WDR25: variants seen among roughly 807,000 people sequenced by gnomAD.
WDR25 encodes the protein WD repeat domain 25.
Under a neutral mutation model 47.7 loss-of-function variants are expected in WDR25, and 35 were observed. The ratio of observed to expected loss-of-function variants is 0.73; its 90% CI spans 0.56 to 0.97. The LOEUF is 0.97. Ranked by LOEUF, WDR25 falls within the 50% of genes least tolerant of loss-of-function variation. The pLI, the probability that WDR25 is intolerant of heterozygous loss-of-function variation, is 0.00. For synonymous variants in WDR25, 248 were observed against 278.9 expected (o/e 0.89, Z 1.10); for missense variants, 634 against 704.7 (o/e 0.90, Z 1.14).
At chr14:100,459,898 A>ATATATGTG (rs1566920215) in intron 2 of WDR25, among the ~76,000 whole-genome samples, 5 of 30,250 alleles carry the variant, frequency 1.7e-4, no homozygotes, top group African/African-American at 5.7e-4. Context: ...GTGTGTGTAT[A>ATATATGTG]TATATATATA....
intron 2 of WDR25, among the ~76,000 whole-genome samples, chr14:100,420,712 T>TGTG (rs1205083172): frequency 6.6e-6 from 1 of 152,246 alleles, no homozygotes; most frequent in African/African-American, 2.4e-5. Context: ...TGTCCCATGA[T>TGTG]GTGGTGTTCA....
intron 2 of WDR25, among the ~76,000 whole-genome samples, chr14:100,434,951 T>TC (rs1377416190): frequency 6.6e-6 from 1 of 152,186 alleles, no homozygotes; most frequent in Non-Finnish European, 1.5e-5. Context: ...TCCTGAGGGG[T>TC]CCCTGATCCT....
intron 2 of WDR25, among the ~76,000 whole-genome samples, chr14:100,466,460 T>G (rs1899632057): frequency 6.6e-6 from 1 of 152,200 alleles, no homozygotes; most frequent in Non-Finnish European, 1.5e-5. Context: ...TTTGTTTGGG[T>G]TTTTCTCTTA....
intron 3 of WDR25, among the ~76,000 whole-genome samples, chr14:100,476,268 G>A (rs946504314): frequency 1.2e-4 from 18 of 152,302 alleles, no homozygotes; most frequent in African/African-American, 3.6e-4. Context: ...GCCTTTGCCC[G>A]GATTGCTAAG....
At chr14:100,435,038 G>A (rs143479864) in intron 2 of WDR25, among the ~76,000 whole-genome samples, 3 of 152,280 alleles carry the variant, frequency 2.0e-5, no homozygotes, top group Non-Finnish European at 4.4e-5. Flanking sequence ...TGCAGTGTGC[G>A]TCTAGGTGCT....
intron 4 of WDR25, chr14:100,504,716 A>G (rs1290604000): frequency 6.6e-6 from 1 of 152,194 alleles, no homozygotes; most frequent in African/African-American, 2.4e-5. Context: ...GTGAATATAC[A>G]TTTTCCTTTC....
At chr14:100,402,712 C>G (rs1368818174) in intron 2 of WDR25, among the ~76,000 whole-genome samples, 3 of 152,194 alleles carry the variant, frequency 2.0e-5, no homozygotes, top group African/African-American at 7.2e-5. Context: ...GAGAGAATTA[C>G]AGGTGTCCCC....
chr14:100,508,294 A>G (rs1318888888), intron 4 of WDR25, among the ~76,000 whole-genome samples: 1 of 152,226 alleles, frequency 6.6e-6, no homozygotes, highest in Non-Finnish European at 1.5e-5. Context: ...AGAGCTGTCT[A>G]TGACAAACCC....
At position 100,523,051 on chromosome 14, in the gene WDR25, G is replaced by T. The variant is rs1390491546; in HGVS notation, c.1102-2819G>T. 1.3e-5 allele frequency among the ~76,000 whole-genome samples: 2 copies of T among 152,252 alleles called. No individual in the cohort carries two copies. The highest frequency in any genetic ancestry group is 3.8e-4 in the East Asian group (2 of 5,200). On this transcript the variant is annotated intron_variant, in intron 4 of 6. Transcript: ENST00000402312. The surrounding 1 kb of genome is among the most constrained non-coding windows in gnomAD (Gnocchi z 4.7). ...CCCGGGGGTCCTGGGAGAGCCAGTG[G>T]CAAAGGCTTTTGTGTGTTGCCTCAG...
At position 100,529,243 on chromosome 14, in the gene WDR25, GC is replaced by G; in HGVS notation, c.1413+39del. ...TCCTTGTCCCCCAGGCGAATGCTGA[GC>G]CCCAGCCCCAAGCCTCCTGGCAGTC... On this transcript the variant is annotated intron_variant, in intron 6 of 6. Coordinates refer to ENST00000402312, the MANE Select transcript of WDR25 (RefSeq NM_001161476.3). The surrounding 1 kb of genome is among the most constrained non-coding windows in gnomAD (Gnocchi z 5.1). The G allele has an allele frequency of 6.2e-7, 1 of 1,611,318 alleles. No individual in the cohort carries two copies. The highest frequency in any genetic ancestry group is 8.5e-7 in the Non-Finnish European group (1 of 1,179,424).
chr14:100,434,688 AC>A (rs1417447164), intron 2 of WDR25, among the ~76,000 whole-genome samples: 1 of 152,076 alleles, frequency 6.6e-6, no homozygotes, highest in Non-Finnish European at 1.5e-5. Flanking sequence ...GCAGGTCTGT[AC>A]AAAAAGTTCT....
At chr14:100,422,759 G>A (rs1168204973) in intron 2 of WDR25, among the ~76,000 whole-genome samples, 3 of 152,198 alleles carry the variant, frequency 2.0e-5, no homozygotes, top group Admixed American at 6.5e-5. Flanking sequence ...TGCCCCTCTG[G>A]TGGGTGTGAA....
chr14:100,399,327 A>G (rs1897324553), intron 2 of WDR25, among the ~76,000 whole-genome samples: 1 of 152,106 alleles, frequency 6.6e-6, no homozygotes, highest in Non-Finnish European at 1.5e-5. Flanking sequence ...TCTGTAGGTG[A>G]TTTTTCCGAC....
rs370067629 is a variant in WDR25, at chr14:100,384,338, T to G, written c.822+2592T>G. 1.0e-3 allele frequency among the ~76,000 whole-genome samples: 154 copies of G among 152,378 alleles called. 1 individual carries two copies. The highest frequency in any genetic ancestry group is 3.6e-3 in the African/African-American group (148 of 41,590). Reference sequence around the variant, plus strand: ...ATGGGGTTATTTGGCAAATTGGTTTTGGGCAAATTGACTTTGAACAACTTT... The same window carrying G: ...ATGGGGTTATTTGGCAAATTGGTTTGGGGCAAATTGACTTTGAACAACTTT... On this transcript the variant is annotated intron_variant, in intron 2 of 6. Coordinates refer to ENST00000402312, the MANE Select transcript of WDR25 (RefSeq NM_001161476.3).
rs2030070966 is a variant in WDR25, at chr14:100,525,377, G to T, written c.1102-493G>T. Among the ~76,000 whole-genome samples the T allele has an allele frequency of 6.6e-6, 1 of 152,216 alleles. No homozygotes were observed. Among genetic ancestry groups the T allele is most frequent in the Non-Finnish European group, 1.5e-5 (1 of 68,044 alleles). On this transcript the variant is annotated intron_variant, in intron 4 of 6. Transcript: ENST00000402312. This position sits in a 1 kb window ranked among gnomAD's most constrained non-coding sequence, Gnocchi z 4.6. ...CAAAGTGTCGTTAAAGCTAAAATAT[G>T]TCCTGTGATTCTGGCTTTATGGTCT...
intron 2 of WDR25, among the ~76,000 whole-genome samples, chr14:100,461,438 G>A (rs1899409697): frequency 6.6e-6 from 1 of 152,070 alleles, no homozygotes; most frequent in Non-Finnish European, 1.5e-5. Context: ...AGACATTCAA[G>A]ATCTTTTCAT....
Position 100,529,632 on chromosome 14 carries a change from G to C in WDR25, c.1414-188G>C. Reference sequence around the variant, plus strand: ...GCTGGATCTGCTGAACTGGCCTTGGGATGTGGGCCCGCATCAGGGCTCTAC... The same window carrying C: ...GCTGGATCTGCTGAACTGGCCTTGGCATGTGGGCCCGCATCAGGGCTCTAC... On this transcript the variant is annotated intron_variant, in intron 6 of 6. Transcript: ENST00000402312. The surrounding 1 kb of genome is among the most constrained non-coding windows in gnomAD (Gnocchi z 5.1). 1.5e-6 allele frequency: 1 copy of C among 664,792 alleles called. No homozygotes were observed. The highest frequency in any genetic ancestry group is 2.5e-6 in the Non-Finnish European group (1 of 395,924). The allele number at this position is 664,792 out of a possible 1,614,324, so 41.2% of individuals were successfully genotyped here. A position where few individuals can be genotyped will look rare whatever the true frequency, so the allele number is the denominator to read the frequency against.
intron 4 of WDR25, among the ~76,000 whole-genome samples, chr14:100,512,803 A>G (rs1179807585): frequency 1.3e-5 from 2 of 152,166 alleles, no homozygotes; most frequent in African/African-American, 2.4e-5. Context: ...ATTCAGTTCA[A>G]AATACTTTCT....
intron 2 of WDR25, among the ~76,000 whole-genome samples, chr14:100,383,136 C>T (rs1433903825): frequency 6.6e-6 from 1 of 152,170 alleles, no homozygotes; most frequent in African/African-American, 2.4e-5. Flanking sequence ...TTTTAAGTGG[C>T]GAACTGGAGT....
Sources: allele counts gnomAD v4.1 joint callset (sites outside exome capture counted in the v4.1 genomes callset), GRCh38; gene constraint gnomAD v4.1.1; non-coding constraint Gnocchi (gnomAD v3.1); transcripts MANE v1.5; gene names NCBI Gene and HGNC (gene_info 2026-07-23, HGNC 2026-07-21).